PML: variants seen among roughly 807,000 people sequenced by gnomAD.
The protein encoded by PML is protein PML.
A neutral mutation model predicts 65.2 loss-of-function variants in PML; 28 were observed. The observed-to-expected ratio is 0.43, with a 90% CI of 0.32 to 0.59. The LOEUF is 0.59. PML is among the 20% of genes least tolerant of loss of function. The pLI is 0.08. For missense variants in PML, 1,021 were observed against 1,203.4 expected, an observed-to-expected ratio of 0.85 and a Z score of 2.24; for synonymous variants, 500 against 508.8, an observed-to-expected ratio of 0.98 and a Z score of 0.23.
intron 2 of PML, among the ~76,000 whole-genome samples, chr15:74,019,601 C>A (rs12439072): frequency 1.3e-5 from 2 of 152,110 alleles, no homozygotes; most frequent in African/African-American, 4.8e-5. Context: ...CAAATACAAT[C>A]AACTATGAAG....
chr15:73,996,190 C>G (rs2069496202), intron 1 of PML, among the ~76,000 whole-genome samples: 1 of 152,166 alleles, frequency 6.6e-6, no homozygotes, highest in Non-Finnish European at 1.5e-5. Context: ...ATTTCCAGAA[C>G]TTTTTCATTA....
chr15:74,008,238 G>C lies in PML; in HGVS notation c.602+9762G>C, dbSNP rs531965710. On this transcript the variant is annotated intron_variant, in intron 2 of 8. Coordinates refer to ENST00000268058, the MANE Select transcript of PML (RefSeq NM_033238.3). ...AGCATCTCAGGAACTGCAATAGAAG[G>C]TTGATGTGAGGGCAGGCACTAGAAG... Among the ~76,000 whole-genome samples the C allele has an allele frequency of 5.9e-5, 9 of 152,362 alleles. No homozygotes were observed. The East Asian group carries it at 1.7e-3, about 29-fold the overall frequency.
In PML at chr15:74,038,042, C is replaced by A. The variant is rs558615050; in HGVS notation, c.1710+3512C>A. On this transcript the variant is annotated intron_variant, in intron 7 of 8. Transcript: ENST00000268058. ...TGCACAAGCCAAGACCCCATAGCCA[C>A]CCAGGGCACCCCCCTTTTGATTATT... 3.0e-4 allele frequency among the ~76,000 whole-genome samples: 45 copies of A among 152,262 alleles called. No individual in the cohort carries two copies. In the South Asian group the frequency reaches 4.4e-3, roughly 15 times the overall value.
At chr15:74,000,043 G>A (rs1595877266) in intron 2 of PML, among the ~76,000 whole-genome samples, 1 of 152,020 alleles carries the variant, frequency 6.6e-6, no homozygotes, top group South Asian at 2.1e-4. Context: ...CACTATAATG[G>A]TCAGGCTGGT....
intron 1 of PML, among the ~76,000 whole-genome samples, chr15:73,996,635 T>C (rs1397826709): frequency 6.6e-6 from 1 of 152,230 alleles, no homozygotes; most frequent in Non-Finnish European, 1.5e-5. Context: ...TGCCTTTCTT[T>C]TTTACAAAAG....
At chr15:74,038,870 C>T (rs1550434) in intron 7 of PML, among the ~76,000 whole-genome samples, 44,202 of 152,090 alleles carry the variant, frequency 0.29, 6,629 homozygotes, top group Non-Finnish European at 0.31. Flanking sequence ...ACTGTTTGTG[C>T]AAGAAGGAGC....
chr15:74,027,507 C>G (rs2071133337), intron 4 of PML: 1 of 152,186 alleles, frequency 6.6e-6, no homozygotes, highest in Non-Finnish European at 1.5e-5. Context: ...GAGCTGTGAT[C>G]ACACCACTGC....
At chr15:74,031,264 A>T (rs773009964) in intron 4 of PML, 106 of 443,862 alleles carry the variant, frequency 2.4e-4, no homozygotes, top group Non-Finnish European at 3.4e-4. Context: ...TTCTTTTTTT[A>T]AAAAAATTTA....
At chr15:74,007,923 C>T (rs903593534) in intron 2 of PML, among the ~76,000 whole-genome samples, 4 of 152,162 alleles carry the variant, frequency 2.6e-5, no homozygotes, top group Non-Finnish European at 4.4e-5. Context: ...ATTGTGACTG[C>T]GTTTTGATAG....
intron 4 of PML, chr15:74,031,183 G>A: frequency 2.7e-6 from 1 of 374,638 alleles, no homozygotes; most frequent in Non-Finnish European, 5.4e-6. Context: ...TCTGCTTTCT[G>A]TGTCTATGGA....
rs78189619 is a variant in PML, at chr15:73,998,764, G to C, written c.602+288G>C. 1.5e-4 allele frequency among the ~76,000 whole-genome samples: 23 copies of C among 152,272 alleles called. No homozygotes were observed. In the East Asian group the frequency reaches 3.3e-3, roughly 22 times the overall value. On this transcript the variant is annotated intron_variant, in intron 2 of 8. Transcript: ENST00000268058. ...TTCTTTAGGATAAATTTTTAGAAGT[G>C]CCACTGCTGGGTGTAGGGGGACGGG... is the stretch of plus-strand genomic sequence containing the variant.
intron 2 of PML, among the ~76,000 whole-genome samples, chr15:74,005,320 G>A (rs932581502): frequency 6.6e-6 from 1 of 152,062 alleles, no homozygotes; most frequent in Non-Finnish European, 1.5e-5. Context: ...CAAAGTGCTG[G>A]GATTACAGGT....
At chr15:74,032,476 G>T in intron 4 of PML, 96 bp from the exon 5 acceptor site, 2 of 1,347,584 alleles carry the variant, frequency 1.5e-6, no homozygotes, top group Non-Finnish European at 2.1e-6. Context: ...CTGTGACTTG[G>T]TGAGGCCCCA....
At chr15:74,036,291 C>T (rs1463569355) in intron 7 of PML, 1 of 1,464,004 alleles carries the variant, frequency 6.8e-7, no homozygotes, top group Non-Finnish European at 9.0e-7. Context: ...CACCCCAAGC[C>T]TCTCCACTAG....
chr15:74,030,700 C>T (rs867316331), intron 4 of PML, among the ~76,000 whole-genome samples: 2 of 152,062 alleles, frequency 1.3e-5, no homozygotes, highest in South Asian at 4.1e-4. Context: ...TCAAGTCAGG[C>T]CAGGGGTCCC....
chr15:74,011,737 C>T (rs184011333), intron 2 of PML, among the ~76,000 whole-genome samples: 2 of 152,342 alleles, frequency 1.3e-5, no homozygotes, highest in East Asian at 3.9e-4. Flanking sequence ...AACTCCCACA[C>T]CCTCCTGTAA....
intron 4 of PML, chr15:74,026,028 G>A (rs565914064): frequency 6.6e-6 from 1 of 152,492 alleles, no homozygotes; most frequent in Admixed American, 6.5e-5. Flanking sequence ...GAGTCTCAGA[G>A]TTTTAGAGCC....
rs1252515753 is a variant in PML at position 74,037,413 on chromosome 15, C to A, written c.1710+2883C>A. ...CCCTTGACCCCCTGGGAGCCTCACT[C>A]CTCCTCCTCATCTCTCTTGCATCTT... On this transcript the variant is annotated intron_variant, in intron 7 of 8. Transcript: ENST00000268058. This position sits in a 1 kb window ranked among gnomAD's most constrained non-coding sequence, Gnocchi z 4.2. 2 of 985,074 alleles carry A rather than the reference C, an allele frequency of 2.0e-6. No homozygotes were observed. The highest frequency in any genetic ancestry group is 3.5e-5 in the African/African-American group (2 of 57,188). The allele number at this position is 985,074 out of a possible 1,614,324, so 61.0% of individuals were successfully genotyped here.
chr15:74,000,331 G>A (rs1258143798), intron 2 of PML, among the ~76,000 whole-genome samples: 1 of 149,436 alleles, frequency 6.7e-6, no homozygotes, highest in African/African-American at 2.5e-5. Context: ...TTTGAGACGG[G>A]GTCTTGCTCT....
Sources: gnomAD v4.1 joint callset for allele counts (sites outside exome capture counted in the v4.1 genomes callset) on GRCh38, gnomAD v4.1.1 for gene constraint, Gnocchi (gnomAD v3.1) non-coding constraint, MANE v1.5 for transcripts, NCBI Gene and HGNC (gene_info 2026-07-23, HGNC 2026-07-21) for gene names.